AHR: variants seen among roughly 807,000 people sequenced by gnomAD.
AHR encodes the protein aryl hydrocarbon receptor.
Under a neutral mutation model 86.8 loss-of-function variants are expected in AHR, and 40 were observed. The observed-to-expected ratio is 0.46, with a 90% CI of 0.36 to 0.60. The LOEUF (loss-of-function observed/expected upper bound fraction) is 0.60. Among genes scored for constraint, AHR ranks in the 20% least tolerant of loss-of-function variants. AHR has a pLI of 0.00. For missense variants in AHR, 1,001 were observed against 1,011.6 expected, an observed-to-expected ratio of 0.99 and a Z score of 0.14; for synonymous variants, 398 against 354.9, an observed-to-expected ratio of 1.12 and a Z score of -1.37.
chr7:17,332,353 C>T (rs751127910), intron 6 of AHR, among the ~76,000 whole-genome samples: 87 of 151,492 alleles, frequency 5.7e-4, no homozygotes, highest in Non-Finnish European at 1.1e-3. Flanking sequence ...AACTGTAAAA[C>T]AGGCTCAGGC....
chr7:17,310,445 A>G (rs73079670), intron 2 of AHR, among the ~76,000 whole-genome samples: 25,457 of 151,966 alleles, frequency 0.17, 2,535 homozygotes, highest in East Asian at 0.39. Flanking sequence ...TTAAAAAAAA[A>G]GAAAAGATAA....
chr7:17,314,099 T>C lies in AHR; in HGVS notation c.253+3976T>C, dbSNP rs190155199. Among the ~76,000 whole-genome samples, 17 of 152,202 alleles carry C rather than the reference T, an allele frequency of 1.1e-4. No individual in the cohort carries two copies. The East Asian group carries it at 3.3e-3, about 29-fold the overall frequency. Reference sequence around the variant, plus strand: ...CTGTTTTTATACAGCTGCCCCAAAATTGAGAATTCGGGAATGACTACTTTT... The same window carrying C: ...CTGTTTTTATACAGCTGCCCCAAAACTGAGAATTCGGGAATGACTACTTTT... On this transcript the variant is annotated intron_variant, in intron 2 of 10. Coordinates refer to ENST00000242057, the MANE Select transcript of AHR (RefSeq NM_001621.5).
intron 2 of AHR, among the ~76,000 whole-genome samples, chr7:17,316,500 C>G (rs143851844): frequency 6.6e-6 from 1 of 152,168 alleles, no homozygotes. Flanking sequence ...CTTCTGTATC[C>G]CAGTTATTCG....
intron 10 of AHR, among the ~76,000 whole-genome samples, chr7:17,342,235 T>G (rs1194022423): frequency 6.6e-6 from 1 of 152,144 alleles, no homozygotes; most frequent in Non-Finnish European, 1.5e-5. Context: ...CTATACATCT[T>G]CATGTCCTTC....
intron 3 of AHR, among the ~76,000 whole-genome samples, chr7:17,326,372 G>A (rs573394389): frequency 6.6e-6 from 1 of 152,118 alleles, no homozygotes; most frequent in East Asian, 1.9e-4. Flanking sequence ...TGAAGATATC[G>A]ACTGGACTAT....
intron 1 of AHR, among the ~76,000 whole-genome samples, chr7:17,299,842 A>G (rs554378660): frequency 6.6e-6 from 1 of 152,278 alleles, no homozygotes; most frequent in East Asian, 1.9e-4. Flanking sequence ...GTCCCCACCA[A>G]CTGGCTTTGT....
In AHR at chr7:17,310,130, C is replaced by G. The variant is rs1283504700; in HGVS notation, c.253+7C>G. The G allele has an allele frequency of 1.1e-5, 17 of 1,610,650 alleles. No individual in the cohort carries two copies. The highest frequency in any genetic ancestry group is 1.2e-5 in the Non-Finnish European group (14 of 1,177,188). ...GCCAAGAGCTTCTTTGATGGTAAGA[C>G]AGAAGGGTTTAATTTGTCTACAATA... On this transcript the variant is annotated splice_region_variant and intron_variant, in intron 2 of 10. Transcript: ENST00000242057.
intron 2 of AHR, among the ~76,000 whole-genome samples, chr7:17,314,272 A>C (rs1782094430): frequency 6.6e-6 from 1 of 152,096 alleles, no homozygotes; most frequent in Non-Finnish European, 1.5e-5. Flanking sequence ...GTTAGGGAAA[A>C]TCTAAGTCTT....
At chr7:17,304,256 T>A (rs1584028557) in intron 1 of AHR, among the ~76,000 whole-genome samples, 1 of 152,196 alleles carries the variant, frequency 6.6e-6, no homozygotes, top group Non-Finnish European at 1.5e-5. Flanking sequence ...CTTGTCTCAC[T>A]TTAACCTTTT....
At chr7:17,305,257 G>A (rs751972084) in intron 1 of AHR, among the ~76,000 whole-genome samples, 4 of 152,122 alleles carry the variant, frequency 2.6e-5, no homozygotes, top group African/African-American at 9.7e-5. Context: ...AATGAAGTTG[G>A]GGTCTATTTG....
chr7:17,330,979 A>G, intron 6 of AHR, 93 bp downstream of exon 6: 1 of 1,365,150 alleles, frequency 7.3e-7, no homozygotes, highest in South Asian at 1.5e-5. Context: ...TTCAGCAGAG[A>G]ACTATTCCCA....
intron 10 of AHR, among the ~76,000 whole-genome samples, chr7:17,342,655 A>G (rs949599772): frequency 1.3e-5 from 2 of 152,174 alleles, no homozygotes; most frequent in Admixed American, 1.3e-4. Context: ...GCAATCTGAA[A>G]TGAGACAGCT....
At chr7:17,312,322 C>G (rs967066926) in intron 2 of AHR, among the ~76,000 whole-genome samples, 26 of 152,126 alleles carry the variant, frequency 1.7e-4, no homozygotes, top group Non-Finnish European at 1.8e-4. Flanking sequence ...CTTTCCATTT[C>G]TTGTTCCTTT....
At chr7:17,307,963 C>A (rs1782022832) in intron 1 of AHR, among the ~76,000 whole-genome samples, 1 of 152,126 alleles carries the variant, frequency 6.6e-6, no homozygotes, top group Admixed American at 6.5e-5. Context: ...ATCAGAGAGA[C>A]CTTCCTAGGC....
chr7:17,306,895 A>G (rs2115351406), intron 1 of AHR, among the ~76,000 whole-genome samples: 1 of 152,270 alleles, frequency 6.6e-6, no homozygotes, highest in Middle Eastern at 3.4e-3. Context: ...AGCAAACATT[A>G]ATTGAGAATC....
chr7:17,310,233 T>C, intron 2 of AHR, 110 bp downstream of exon 2: 1 of 1,053,124 alleles, frequency 9.5e-7, no homozygotes. Context: ...TTGGAAAATT[T>C]ATTGCTGTAT....
At chr7:17,335,035 G>A (rs763316804) in intron 8 of AHR, 39 bp downstream of exon 8, 35 of 1,438,996 alleles carry the variant, frequency 2.4e-5, no homozygotes, top group Admixed American at 6.9e-5. Context: ...AGAAGAAAAC[G>A]GCATATACTG....
chr7:17,337,623 C>A (rs1375020185), intron 9 of AHR, among the ~76,000 whole-genome samples: 1 of 151,052 alleles, frequency 6.6e-6, no homozygotes, highest in African/African-American at 2.4e-5. Flanking sequence ...TACAGGCGCC[C>A]GCCACTACGC....
rs757146102 is a variant in AHR at position 17,339,092 on chromosome 7, A to G, written c.1267A>G (p.Ile423Val). 38 of 1,614,072 alleles carry G rather than the reference A, an allele frequency of 2.4e-5. No individual in the cohort carries two copies. Among genetic ancestry groups the G allele is most frequent in the African/African-American group, 4.0e-5 (3 of 74,932 alleles). ...LYEATNPFPA[I>V]MDPLPLRTKN... ...TGAGGCAACCAACCCTTTTCCTGCC[A>G]TAATGGATCCCTTACCACTAAGGAC... The change falls in exon 10 of 11, where the codon ATA (isoleucine) becomes GTA (valine). Residue 423 changes from isoleucine to valine, a missense_variant. Ile to Val is a conservative substitution (Grantham distance 29). This residue lies in a region of AHR where 607 missense variants were observed against 543.1 expected (regional missense o/e 1.12). Coordinates refer to ENST00000242057, the MANE Select transcript of AHR (RefSeq NM_001621.5).
Sources: allele counts gnomAD v4.1 joint callset (sites outside exome capture counted in the v4.1 genomes callset), GRCh38; gene constraint gnomAD v4.1.1; regional missense constraint gnomAD v4.1.1; transcripts MANE v1.5; gene names NCBI Gene and HGNC (gene_info 2026-07-23, HGNC 2026-07-21).